DPP6: variants seen among roughly 807,000 people sequenced by gnomAD.
DPP6 encodes the protein dipeptidyl peptidase like 6.
In DPP6, 69 loss-of-function variants were observed where a neutral mutation model predicts 122.6. That is an observed-to-expected ratio of 0.56 (90% CI 0.46 to 0.69). The LOEUF (loss-of-function observed/expected upper bound fraction) is 0.69, where lower values mean the gene tolerates loss of function less well. Ranked by LOEUF, DPP6 falls within the 30% of genes least tolerant of loss-of-function variation. DPP6 has a pLI of 0.00. For synonymous variants in DPP6, 418 were observed against 433.1 expected, an observed-to-expected ratio of 0.97 and a Z score of 0.43; for missense variants, 928 against 1,116.9, an observed-to-expected ratio of 0.83 and a Z score of 2.41.
intron 3 of DPP6, 93 bp downstream of exon 3, chr7:154,475,130 TC>T: frequency 1.1e-6 from 1 of 949,610 alleles, no homozygotes; most frequent in Non-Finnish European, 1.7e-6. Context: ...CTCTCGGATT[TC>T]CCCCTTTGGC....
intron 1 of DPP6, among the ~76,000 whole-genome samples, chr7:153,909,334 C>G (rs928205023): frequency 2.0e-5 from 3 of 152,230 alleles, no homozygotes; most frequent in African/African-American, 7.2e-5. Flanking sequence ...TGTTGTAGAG[C>G]AGAGCCACGC....
chr7:154,644,706 CT>C (rs5888584), intron 6 of DPP6, among the ~76,000 whole-genome samples: 79,755 of 129,774 alleles, frequency 0.61, 24,199 homozygotes, highest in East Asian at 0.75. Context: ...CTTAAAATGG[CT>C]TTTTTTTTTT....
chr7:154,732,070 G>T, intron 8 of DPP6, among the ~76,000 whole-genome samples: 1 of 149,866 alleles, frequency 6.7e-6, no homozygotes, highest in Non-Finnish European at 1.5e-5. Flanking sequence ...ATGGAGTCTT[G>T]CTTTGTCACC....
chr7:154,173,131 A>G (rs1797619588), intron 1 of DPP6, among the ~76,000 whole-genome samples: 1 of 152,194 alleles, frequency 6.6e-6, no homozygotes, highest in South Asian at 2.1e-4. Context: ...ATTTTGGCAA[A>G]TAGCAGTTGT....
chr7:153,859,409 G>A, the DPP6 span, among the ~76,000 whole-genome samples: 10 of 152,302 alleles, frequency 6.6e-5, no homozygotes, highest in South Asian at 8.3e-4. Flanking sequence ...TGCCAATGAC[G>A]GTGGTGAAGA....
intron 14 of DPP6, among the ~76,000 whole-genome samples, chr7:154,804,165 G>A (rs1281798149): frequency 6.6e-6 from 1 of 152,184 alleles, no homozygotes; most frequent in East Asian, 1.9e-4. Context: ...TCCTGAGGAC[G>A]CAATTAGGCT....
chr7:154,306,205 C>G (rs1806330646), intron 1 of DPP6, among the ~76,000 whole-genome samples: 1 of 152,148 alleles, frequency 6.6e-6, no homozygotes, highest in African/African-American at 2.4e-5. Flanking sequence ...TGCGTGGGTC[C>G]CACATGGCAC....
At chr7:153,919,315 C>A (rs1800524050) in intron 1 of DPP6, among the ~76,000 whole-genome samples, 1 of 152,120 alleles carries the variant, frequency 6.6e-6, no homozygotes, top group African/African-American at 2.4e-5. Flanking sequence ...TCTCATGCAG[C>A]CTCCTGGGGC....
At chr7:154,705,118 G>A (rs1840754886) in intron 7 of DPP6, among the ~76,000 whole-genome samples, 2 of 152,208 alleles carry the variant, frequency 1.3e-5, no homozygotes, top group African/African-American at 2.4e-5. Context: ...AAAAGCTCAG[G>A]GAGAGGAGAG....
At chr7:153,830,923 T>A in the DPP6 span, among the ~76,000 whole-genome samples, 1 of 152,228 alleles carries the variant, frequency 6.6e-6, no homozygotes, top group Non-Finnish European at 1.5e-5. Context: ...TGTTCTGCAT[T>A]TATTTGATTC....
chr7:154,290,082 C>T (rs1805108436), intron 1 of DPP6, among the ~76,000 whole-genome samples: 1 of 152,200 alleles, frequency 6.6e-6, no homozygotes, highest in Non-Finnish European at 1.5e-5. Context: ...GGACACACTG[C>T]AGTGCCAAGG....
At chr7:153,889,192 C>T (rs918624620) in intron 1 of DPP6, among the ~76,000 whole-genome samples, 2 of 152,138 alleles carry the variant, frequency 1.3e-5, no homozygotes, top group African/African-American at 4.8e-5. Flanking sequence ...AGGGGCGGTT[C>T]GCAGTCCTCG....
intron 1 of DPP6, among the ~76,000 whole-genome samples, chr7:154,368,131 A>G (rs1003164965): frequency 6.6e-5 from 10 of 152,202 alleles, no homozygotes; most frequent in African/African-American, 2.4e-4. Context: ...GTGGAATGTA[A>G]GTGAAATTCT....
intron 12 of DPP6, 78 bp from the exon 13 acceptor site, chr7:154,801,277 G>A (rs1475978157): frequency 6.6e-7 from 1 of 1,526,012 alleles, no homozygotes; most frequent in Non-Finnish European, 8.9e-7. Flanking sequence ...GTATCTCGGG[G>A]TGTATTTTAT....
At chr7:154,665,658 TG>T (rs1838101845) in intron 6 of DPP6, among the ~76,000 whole-genome samples, 1 of 152,148 alleles carries the variant, frequency 6.6e-6, no homozygotes, top group Admixed American at 6.6e-5. Flanking sequence ...TCATTGCTAC[TG>T]GGGTGTCATT....
intron 1 of DPP6, among the ~76,000 whole-genome samples, chr7:154,173,729 A>T (rs1797653831): frequency 6.6e-6 from 1 of 152,050 alleles, no homozygotes. Flanking sequence ...CGGGATTCCT[A>T]TTATGGCCAA....
chr7:154,364,021 G>A (rs1811953308), intron 1 of DPP6, among the ~76,000 whole-genome samples: 1 of 152,170 alleles, frequency 6.6e-6, no homozygotes, highest in South Asian at 2.1e-4. Context: ...TGTCTGTCCA[G>A]CCCTTTGCTT....
At chr7:154,104,467 A>G (rs557769636) in intron 1 of DPP6, among the ~76,000 whole-genome samples, 4 of 152,366 alleles carry the variant, frequency 2.6e-5, no homozygotes, top group African/African-American at 9.6e-5. Flanking sequence ...TGCTTTAGTA[A>G]GATGAGAGAA....
exon 1 of DPP6, chr7:153,887,438 C>CTT (rs781485028): frequency 4.4e-6 from 2 of 457,070 alleles, no homozygotes; most frequent in Admixed American, 3.3e-5. Flanking sequence ...TCCATCCAGG[C>CTT]TTTTTTTCTT....
Sources: allele counts gnomAD v4.1 joint callset (sites outside exome capture counted in the v4.1 genomes callset), GRCh38; gene constraint gnomAD v4.1.1; transcripts MANE v1.5; gene names NCBI Gene and HGNC (gene_info 2026-07-23, HGNC 2026-07-21).